The following ERCC6L variants were observed in gnomAD, a reference collection of about 807,000 sequenced individuals.
ERCC6L encodes the protein DNA excision repair protein ERCC-6-like.
A neutral mutation model predicts 20.1 loss-of-function variants in ERCC6L; 7 were observed. The observed-to-expected ratio is 0.35, with a 90% CI of 0.20 to 0.65. The LOEUF is 0.65. Among genes scored for constraint, ERCC6L ranks in the 30% least tolerant of loss-of-function variants. ERCC6L has a pLI of 0.69. For synonymous variants in ERCC6L, 278 were observed against 331.3 expected (o/e 0.84, Z 1.75); for missense variants, 592 against 892.4 (o/e 0.66, Z 4.29).
intron 1 of ERCC6L, among the ~76,000 whole-genome samples, chrX:72,208,921 G>A (rs2042836644): frequency 9.0e-6 from 1 of 111,628 alleles, no homozygotes; most frequent in Non-Finnish European, 1.9e-5. Flanking sequence ...CACTAGTTGT[G>A]GAAAATGAAT....
intron 1 of ERCC6L, among the ~76,000 whole-genome samples, chrX:72,217,064 C>G (rs2042890732): frequency 2.7e-5 from 3 of 112,136 alleles, no homozygotes; most frequent in African/African-American, 6.5e-5. Context: ...GGCATAATTA[C>G]TGTTATGCTG....
intron 1 of ERCC6L, among the ~76,000 whole-genome samples, chrX:72,229,673 T>A (rs1288642320): frequency 9.0e-6 from 1 of 111,535 alleles, no homozygotes; most frequent in Non-Finnish European, 1.9e-5. Flanking sequence ...TTTATCTATC[T>A]CCCTCCATTG....
chrX:72,219,356 C>T (rs957221902), intron 1 of ERCC6L, among the ~76,000 whole-genome samples: 1 of 109,696 alleles, frequency 9.1e-6, no homozygotes, highest in Non-Finnish European at 1.9e-5. Context: ...GAGTTTGAGA[C>T]CAGCCTGGCC....
chrX:72,237,833 T>G (rs1188480550), intron 1 of ERCC6L: 2 of 110,444 alleles, frequency 1.8e-5, no homozygotes, highest in Non-Finnish European at 3.8e-5. Context: ...GCACCCACCT[T>G]AAGTCCCAGC....
At chrX:72,231,876 A>C (rs2042985387) in intron 1 of ERCC6L, among the ~76,000 whole-genome samples, 1 of 111,980 alleles carries the variant, frequency 8.9e-6, no homozygotes, top group African/African-American at 3.2e-5. Flanking sequence ...CGTGCATTGA[A>C]ACATCACATT....
chrX:72,232,818 A>G (rs1340464145), intron 1 of ERCC6L, among the ~76,000 whole-genome samples: 1 of 111,115 alleles, frequency 9.0e-6, no homozygotes, highest in Non-Finnish European at 1.9e-5. Flanking sequence ...CTCAGAAAAG[A>G]AAATCACCAC....
intron 1 of ERCC6L, among the ~76,000 whole-genome samples, chrX:72,230,913 C>T (rs749850949): frequency 4.5e-5 from 5 of 111,880 alleles, no homozygotes; most frequent in Admixed American, 9.5e-5. Context: ...TTCAGTGAGC[C>T]GAGATCGTGC....
At chrX:72,220,747 A>T (rs771736928) in intron 1 of ERCC6L, among the ~76,000 whole-genome samples, 1 of 111,715 alleles carries the variant, frequency 9.0e-6, no homozygotes, top group African/African-American at 3.2e-5. Context: ...CCCTAAAACC[A>T]ATATATACTG....
At chrX:72,213,875 G>A (rs2042872276) in intron 1 of ERCC6L, among the ~76,000 whole-genome samples, 2 of 111,514 alleles carry the variant, frequency 1.8e-5, no homozygotes, top group African/African-American at 3.3e-5. Context: ...TCTTGGGAGC[G>A]GCCCACCACT....
chrX:72,207,972 T>G lies in ERCC6L; in HGVS notation c.795A>C (p.Gln265His). ...LTGTPIQNNL[Q>H]ELWSLFDFAC... The stretch of plus-strand genomic sequence containing the variant: ...CAAAATCAAATAGGGACCATAGTTC[T>G]TGTAAATTATTCTGGATTGGGGTTC... Residue 265 changes from glutamine to histidine, a missense_variant, in exon 2 of 2, where the codon CAA (glutamine) becomes CAC (histidine). Physicochemically the swap from Gln to His is conservative, Grantham distance 24. Transcript: ENST00000334463. The G allele has an allele frequency of 8.3e-7, 1 of 1,211,359 alleles. No individual in the cohort carries two copies. The highest frequency in any genetic ancestry group is 1.1e-6 in the Non-Finnish European group (1 of 895,339).
rs1182070616 is a variant in ERCC6L, at chrX:72,208,580, T to C, written c.187A>G (p.Ile63Val). Residue 63 changes from isoleucine to valine, a missense_variant, in exon 2 of 2, where the codon ATA becomes GTA. Around this residue, in one of 3 missense-constraint regions of ERCC6L, gnomAD observed 44 missense variants for 49.8 expected, o/e 0.88. Transcript: ENST00000334463. ...NEKVLSRIQK[I>V]QEALEELAEQ... ...GCCAACTCCTCCAAGGCTTCCTGTA[T>C]TTTTTGGATTCTGCTCAGCACTTTT... The C allele has an allele frequency of 8.3e-7, 1 of 1,211,577 alleles. No individual in the cohort carries two copies. Among genetic ancestry groups the C allele is most frequent in the South Asian group, 1.8e-5 (1 of 56,986 alleles).
intron 1 of ERCC6L, among the ~76,000 whole-genome samples, chrX:72,226,643 A>C (rs1170177004): frequency 2.7e-5 from 3 of 111,389 alleles, no homozygotes; most frequent in Non-Finnish European, 5.7e-5. Flanking sequence ...TCAGATAAAA[A>C]CCACATTCCA....
At chrX:72,212,193 C>T (rs1012655679) in intron 1 of ERCC6L, among the ~76,000 whole-genome samples, 22 of 110,636 alleles carry the variant, frequency 2.0e-4, no homozygotes, top group Admixed American at 9.6e-4. Context: ...ATGAGAATCA[C>T]GTGAAAGGCG....
intron 1 of ERCC6L, among the ~76,000 whole-genome samples, chrX:72,226,693 TCAAC>T (rs2042955667): frequency 9.0e-6 from 1 of 111,401 alleles, no homozygotes; most frequent in Non-Finnish European, 1.9e-5. Context: ...AAAACAAGCC[TCAAC>T]CAACCATCCA....
rs1231598772 is a variant in ERCC6L at position 72,208,277 on chromosome X, A to G, written c.490T>C (p.Phe164Leu). 1 of 1,210,197 alleles carries G rather than the reference A, an allele frequency of 8.3e-7. No individual in the cohort carries two copies. Among genetic ancestry groups the G allele is most frequent in the East Asian group, 3.0e-5 (1 of 33,791 alleles). ...TNLINTWVKE[F>L]IKWTPGMRVK... Reference sequence around the variant, plus strand: ...CTCATTCCTGGAGTCCACTTGATGAATTCTTTTACCCATGTGTTAATAAGA... The same window carrying G: ...CTCATTCCTGGAGTCCACTTGATGAGTTCTTTTACCCATGTGTTAATAAGA... Residue 164 changes from phenylalanine to leucine, a missense_variant, in exon 2 of 2, where the codon TTC (phenylalanine) becomes CTC (leucine). Phe to Leu is a conservative substitution (Grantham distance 22, BLOSUM62 0). This residue lies in a region of ERCC6L where 196 missense variants were observed against 440.1 expected (regional missense o/e 0.45). Coordinates refer to ENST00000334463, the MANE Select transcript of ERCC6L (RefSeq NM_017669.4).
chrX:72,232,020 G>A (rs988678199), intron 1 of ERCC6L, among the ~76,000 whole-genome samples: 9 of 108,526 alleles, frequency 8.3e-5, no homozygotes, highest in Non-Finnish European at 1.3e-4. Context: ...TCAAGATTAC[G>A]GTGAACTATG....
intron 1 of ERCC6L, among the ~76,000 whole-genome samples, chrX:72,211,335 C>A (rs902875528): frequency 4.6e-5 from 5 of 109,791 alleles, no homozygotes; most frequent in African/African-American, 1.6e-4. Flanking sequence ...AGAACCATAA[C>A]CCTCAAGCAA....
At position 72,207,722 on chromosome X, in the gene ERCC6L, T is replaced by C. The variant is rs1425825702; in HGVS notation, c.1045A>G (p.Asn349Asp). 8.3e-7 allele frequency: 1 copy of C among 1,211,760 alleles called. No individual in the cohort carries two copies. Among genetic ancestry groups the C allele is most frequent in the Non-Finnish European group, 1.1e-6 (1 of 895,523 alleles). Residue 349 changes from asparagine to aspartate, a missense_variant, in exon 2 of 2, where the codon AAT becomes GAT. Asn to Asp is a conservative substitution (Grantham distance 23). This residue lies in a region of ERCC6L where 196 missense variants were observed against 440.1 expected (regional missense o/e 0.45). Transcript: ENST00000334463. Reference sequence around the variant, plus strand: ...TCACAAATGGCATCAACATCTGGATTCTTTTCATTAAGTCTGGCCTCTGGG... The same window carrying C: ...TCACAAATGGCATCAACATCTGGATCCTTTTCATTAAGTCTGGCCTCTGGG... The part of the protein sequence containing the change: ...SNPEARLNEK[N>D]PDVDAICEMP...
chrX:72,225,619 G>A (rs60223007), intron 1 of ERCC6L, among the ~76,000 whole-genome samples: 13,341 of 111,333 alleles, frequency 0.12, 1,043 homozygotes, highest in East Asian at 0.48. Context: ...GGATTAGTGG[G>A]ATATTTCTGA....
Sources: allele counts gnomAD v4.1 joint callset (sites outside exome capture counted in the v4.1 genomes callset), GRCh38; gene constraint gnomAD v4.1.1; regional missense constraint gnomAD v4.1.1; transcripts MANE v1.5; gene names NCBI Gene and HGNC (gene_info 2026-07-23, HGNC 2026-07-21).